Variants in RSPH3 observed in about 807,000 individuals in gnomAD.
The protein encoded by RSPH3 is radial spoke head protein 3 homolog.
In RSPH3, 21 loss-of-function variants were observed where a neutral mutation model predicts 43.8. The ratio of observed to expected loss-of-function variants is 0.48; its 90% CI spans 0.34 to 0.69. RSPH3 has a LOEUF of 0.69. RSPH3 is among the 30% of genes least tolerant of loss of function. The probability of loss-of-function intolerance (pLI) is 0.01; values close to 1 mark genes in which losing one functional copy is unlikely to be tolerated. For synonymous variants in RSPH3, 173 were observed against 179.8 expected, an observed-to-expected ratio of 0.96 and a Z score of 0.30; for missense variants, 487 against 516.0, an observed-to-expected ratio of 0.94 and a Z score of 0.54.
rs767979912 is a variant in RSPH3 at position 158,999,823 on chromosome 6, C to T, written c.-273G>A. 3 of 1,613,742 alleles carry T rather than the reference C, an allele frequency of 1.9e-6. No homozygotes were observed. The highest frequency in any genetic ancestry group is 2.2e-5 in the South Asian group (2 of 91,044). The stretch of plus-strand genomic sequence containing the variant: ...AGGGTTCTGTCTGGGGGCGGGAACT[C>T]CGGGCAGTTCCGGTCCCCAGGTTTC... On this transcript the variant is annotated 5_prime_UTR_variant, in exon 1 of 8. Coordinates refer to ENST00000367069, the MANE Select transcript of RSPH3 (RefSeq NM_031924.8).
downstream of RSPH3, among the ~76,000 whole-genome samples, chr6:158,970,076 CT>C (rs570055821): frequency 2.7e-5 from 4 of 150,558 alleles, no homozygotes; most frequent in Admixed American, 6.7e-5. Flanking sequence ...CTGCCTTGTA[CT>C]TTTTTCTTTT....
rs1316298760 is a variant in RSPH3 at position 158,999,952 on chromosome 6, C to G, written c.-402G>C. ...TTTGCGAGGTTCCTGGCTAGGGAGG[C>G]GGCCTTGGCTGGCTTGACCGTCATC... On this transcript the variant is annotated 5_prime_UTR_variant, in exon 1 of 8. Coordinates refer to ENST00000367069, the MANE Select transcript of RSPH3 (RefSeq NM_031924.8). The G allele has an allele frequency of 6.2e-7, 1 of 1,604,158 alleles. No individual in the cohort carries two copies. Among genetic ancestry groups the G allele is most frequent in the Admixed American group, 1.7e-5 (1 of 59,220 alleles).
chr6:158,983,899 C>A, intron 3 of RSPH3, 92 bp from the exon 4 acceptor site: 1 of 863,232 alleles, frequency 1.2e-6, no homozygotes, highest in South Asian at 1.5e-5. Flanking sequence ...TTTGGGAGGC[C>A]GAGGAGGGTG....
At chr6:158,994,053 G>T in intron 1 of RSPH3, 127 bp from the exon 2 acceptor site, 1 of 549,516 alleles carries the variant, frequency 1.8e-6, no homozygotes, top group Non-Finnish European at 3.1e-6. Context: ...TTTTAGTGTG[G>T]TCCATAAAAT....
rs1047331345 is a variant in RSPH3 at position 159,000,013 on chromosome 6, C to T, written c.-463G>A. Reference sequence around the variant, plus strand: ...GCGGGGCAACGGTGGCTGTCCTTGGCCCGGCTTTGGAATGTGGCTTTGCAG... The same window carrying T: ...GCGGGGCAACGGTGGCTGTCCTTGGTCCGGCTTTGGAATGTGGCTTTGCAG... On this transcript the variant is annotated 5_prime_UTR_variant, in exon 1 of 8. Transcript: ENST00000367069. 8 of 1,540,606 alleles carry T rather than the reference C, an allele frequency of 5.2e-6. No homozygotes were observed. Among genetic ancestry groups the T allele is most frequent in the Non-Finnish European group, 7.0e-6 (8 of 1,143,240 alleles).
At chr6:158,995,296 C>T (rs1219057057) in intron 1 of RSPH3, among the ~76,000 whole-genome samples, 2 of 152,174 alleles carry the variant, frequency 1.3e-5, no homozygotes, top group African/African-American at 2.4e-5. Context: ...CAACTCATTA[C>T]TTCTTCAGTG....
rs1233134911 is a variant in RSPH3, at chr6:158,976,341, A to G, written c.*1197T>C. 1 of 152,228 alleles carries G rather than the reference A, an allele frequency of 6.6e-6. No individual in the cohort carries two copies. The highest frequency in any genetic ancestry group is 2.1e-4 in the South Asian group (1 of 4,832). The allele number at this position is 152,228 out of a possible 1,614,324, so 9.4% of individuals were successfully genotyped here. Reference sequence around the variant, plus strand: ...AAATTCTCTAACACATTCAGATTAAAAAGTCAAATGTTAATTCCCTATGCT... The same window carrying G: ...AAATTCTCTAACACATTCAGATTAAGAAGTCAAATGTTAATTCCCTATGCT... On this transcript the variant is annotated 3_prime_UTR_variant, in exon 8 of 8. Transcript: ENST00000367069.
Position 158,999,843 on chromosome 6 carries a change from G to A in RSPH3, c.-293C>T, listed in dbSNP as rs1281004707. 4 of 1,613,820 alleles carry A rather than the reference G, an allele frequency of 2.5e-6. No homozygotes were observed. Among genetic ancestry groups the A allele is most frequent in the Non-Finnish European group, 3.4e-6 (4 of 1,179,950 alleles). On this transcript the variant is annotated 5_prime_UTR_variant, in exon 1 of 8. Coordinates refer to ENST00000367069, the MANE Select transcript of RSPH3 (RefSeq NM_031924.8). Reference sequence around the variant, plus strand: ...GAACTCCGGGCAGTTCCGGTCCCCAGGTTTCCCGGGAAGGACTGCGGCACA... The same window carrying A: ...GAACTCCGGGCAGTTCCGGTCCCCAAGTTTCCCGGGAAGGACTGCGGCACA...
chr6:158,996,817 T>C (rs1227285175), intron 1 of RSPH3, among the ~76,000 whole-genome samples: 1 of 152,222 alleles, frequency 6.6e-6, no homozygotes, highest in South Asian at 2.1e-4. Context: ...GGTCTGGATA[T>C]GGTTTGTCGT....
At chr6:158,963,533 TTCCCTCCC>T in the RSPH3 span, among the ~76,000 whole-genome samples, 1 of 101,868 alleles carries the variant, frequency 9.8e-6, no homozygotes. Context: ...TTCTTTCTCC[TTCCCTCCC>T]TCCCTCCCTT....
intron 6 of RSPH3, among the ~76,000 whole-genome samples, chr6:158,979,522 G>A (rs1158991585): frequency 6.6e-6 from 1 of 152,004 alleles, no homozygotes; most frequent in Non-Finnish European, 1.5e-5. Context: ...TGAGGATTTG[G>A]GAGCAAGGCA....
intron 2 of RSPH3, among the ~76,000 whole-genome samples, chr6:158,992,716 C>T (rs372481900): frequency 1.9e-4 from 29 of 152,246 alleles, no homozygotes; most frequent in African/African-American, 6.7e-4. Flanking sequence ...GGAGGAGCAT[C>T]TCTATCACCA....
intron 1 of RSPH3, among the ~76,000 whole-genome samples, chr6:158,998,224 G>A (rs1339888174): frequency 1.8e-4 from 27 of 147,108 alleles, no homozygotes; most frequent in Non-Finnish European, 4.0e-4. Context: ...GGCCGAGGCG[G>A]GCGGATCATG....
chr6:158,982,403 A>G, intron 5 of RSPH3, 82 bp downstream of exon 5: 1 of 839,302 alleles, frequency 1.2e-6, no homozygotes, highest in South Asian at 1.9e-5. Flanking sequence ...TAGTTTTATG[A>G]TATATCATCA....
chr6:158,963,833 C>A, the RSPH3 span, among the ~76,000 whole-genome samples: 4 of 152,220 alleles, frequency 2.6e-5, no homozygotes, highest in African/African-American at 9.6e-5. Flanking sequence ...CTCAAGCAAT[C>A]CTCTTGCCTT....
At chr6:158,986,509 G>T in intron 2 of RSPH3, 88 bp from the exon 3 acceptor site, 1 of 985,076 alleles carries the variant, frequency 1.0e-6, no homozygotes. Flanking sequence ...TTCCTGAGTA[G>T]TATAAAGGCA....
intron 2 of RSPH3, among the ~76,000 whole-genome samples, chr6:158,990,094 C>G (rs747031067): frequency 3.0e-4 from 45 of 152,152 alleles, no homozygotes; most frequent in Non-Finnish European, 6.5e-4. Flanking sequence ...AGTTTTGGAG[C>G]CTGGACTGGC....
At chr6:158,999,332 G>A (rs577985587) in intron 1 of RSPH3, 103 bp downstream of exon 1, 1 of 1,077,110 alleles carries the variant, frequency 9.3e-7, no homozygotes, top group Admixed American at 2.7e-5. Context: ...GCAGCCAAGG[G>A]AAGACAGCAT....
chr6:158,970,151 G>A (rs1777678425), downstream of RSPH3, among the ~76,000 whole-genome samples: 1 of 150,528 alleles, frequency 6.6e-6, no homozygotes, highest in Non-Finnish European at 1.5e-5. Flanking sequence ...TTATATTCTT[G>A]TACCACCCGT....
Sources: gnomAD v4.1 joint callset for allele counts (sites outside exome capture counted in the v4.1 genomes callset) on GRCh38, gnomAD v4.1.1 for gene constraint, MANE v1.5 for transcripts, NCBI Gene and HGNC (gene_info 2026-07-23, HGNC 2026-07-21) for gene names.